Variants in IMMP2L observed in about 807,000 individuals in gnomAD.
IMMP2L encodes the protein mitochondrial inner membrane protease subunit 2.
In IMMP2L, 18 loss-of-function variants were observed where a neutral mutation model predicts 19.3. That is an observed-to-expected ratio of 0.93 (90% CI 0.64 to 1.38). The LOEUF is 1.38. IMMP2L is among the 40% of genes most tolerant of loss of function. The pLI is 0.00. For missense variants in IMMP2L, 233 were observed against 218.2 expected (o/e 1.07, Z -0.43); for synonymous variants, 76 against 73.0 (o/e 1.04, Z -0.21).
chr7:111,167,966 GT>G (rs1806017598), intron 3 of IMMP2L, among the ~76,000 whole-genome samples: 1 of 151,798 alleles, frequency 6.6e-6, no homozygotes. Flanking sequence ...CCTAGGTGTT[GT>G]TTTGTTGTTG....
At chr7:111,410,197 T>G (rs1323313400) in intron 3 of IMMP2L, among the ~76,000 whole-genome samples, 1 of 151,688 alleles carries the variant, frequency 6.6e-6, no homozygotes, top group Non-Finnish European at 1.5e-5. Context: ...TGAAGAGCCC[T>G]TGTTGTTGAA....
chr7:111,000,784 C>T (rs12672824), intron 3 of IMMP2L, among the ~76,000 whole-genome samples: 68,520 of 151,082 alleles, frequency 0.45, 17,227 homozygotes, highest in Non-Finnish European at 0.58. Context: ...GTGGAGTTTG[C>T]AGTGAGCTGA....
chr7:111,504,202 G>A (rs1844629514), intron 2 of IMMP2L, among the ~76,000 whole-genome samples: 1 of 152,076 alleles, frequency 6.6e-6, no homozygotes, highest in South Asian at 2.1e-4. Flanking sequence ...GCCAAATCAT[G>A]AGTGAACTAC....
rs142681613 is a variant in IMMP2L at position 110,990,709 on chromosome 7, G to A, written c.240-27144C>T. ...CCTAACCAGGCTCCCTAATGCCAGT[G>A]CCAATCTACTTTAAGTTAACTTACA... is the stretch of plus-strand genomic sequence containing the variant. On this transcript the variant is annotated intron_variant, in intron 3 of 5. Coordinates refer to ENST00000405709, the MANE Select transcript of IMMP2L (RefSeq NM_032549.4). 2.7e-3 allele frequency among the ~76,000 whole-genome samples: 406 copies of A among 152,212 alleles called. 1 individual carries two copies. The highest frequency in any genetic ancestry group is 9.3e-3 in the African/African-American group (387 of 41,536).
Position 111,436,539 on chromosome 7 carries a change from A to ACACC in IMMP2L, c.239+50698_239+50699insGGTG, listed in dbSNP as rs1316097606. On this transcript the variant is annotated intron_variant, in intron 3 of 5. Transcript: ENST00000405709. ...CACACACATACACACACACACACAC[A>ACACC]CCCCACACATATATGAATACTTTTT... Among the ~76,000 whole-genome samples the ACACC allele has an allele frequency of 4.0e-4, 61 of 151,466 alleles. 1 individual carries two copies. The highest frequency in any genetic ancestry group is 1.4e-3 in the African/African-American group (59 of 41,074).
At chr7:111,355,756 AT>A (rs138432746) in intron 3 of IMMP2L, among the ~76,000 whole-genome samples, 2,021 of 151,994 alleles carry the variant, frequency 0.013, 47 homozygotes, top group African/African-American at 0.046. Flanking sequence ...ATTTGAAGCT[AT>A]TTTTTTAACT....
At position 111,513,419 on chromosome 7, in the gene IMMP2L, A is replaced by C. The variant is rs145426856; in HGVS notation, c.135+7894T>G. Among the ~76,000 whole-genome samples the C allele has an allele frequency of 4.7e-3, 721 of 152,290 alleles. 5 individuals are homozygous for C. The highest frequency in any genetic ancestry group is 0.017 in the African/African-American group (687 of 41,566). On this transcript the variant is annotated intron_variant, in intron 2 of 5. Transcript: ENST00000405709. Reference sequence around the variant, plus strand: ...TAAATGTGCAATGAGATGTCACCTCATACCTGTTAGGAAGGCTATTATCAG... The same window carrying C: ...TAAATGTGCAATGAGATGTCACCTCCTACCTGTTAGGAAGGCTATTATCAG...
intron 4 of IMMP2L, among the ~76,000 whole-genome samples, chr7:110,946,012 T>C (rs1481550698): frequency 1.3e-5 from 2 of 152,142 alleles, no homozygotes. Context: ...TATACCTGAT[T>C]AAACCAAAAT....
At chr7:111,040,753 T>C (rs941685910) in intron 3 of IMMP2L, among the ~76,000 whole-genome samples, 1 of 149,154 alleles carries the variant, frequency 6.7e-6, no homozygotes, top group Non-Finnish European at 1.5e-5. Flanking sequence ...TTATAAACCT[T>C]ATAAAACCTT....
At chr7:110,745,799 A>T (rs1224037547) in intron 5 of IMMP2L, among the ~76,000 whole-genome samples, 1 of 152,170 alleles carries the variant, frequency 6.6e-6, no homozygotes, top group South Asian at 2.1e-4. Flanking sequence ...GCAAAAACAT[A>T]TCAAATTGTA....
chr7:111,397,868 A>G (rs1380880643), intron 3 of IMMP2L, among the ~76,000 whole-genome samples: 2 of 152,024 alleles, frequency 1.3e-5, no homozygotes, highest in Non-Finnish European at 2.9e-5. Context: ...TTCATTTTGC[A>G]TAATCAAATT....
At chr7:111,551,766 A>C (rs1000856733) in intron 1 of IMMP2L, among the ~76,000 whole-genome samples, 3 of 152,114 alleles carry the variant, frequency 2.0e-5, no homozygotes. Flanking sequence ...GAGTTCTGCC[A>C]GCAGTCCAGC....
chr7:111,215,080 C>T (rs1168210100), intron 3 of IMMP2L, among the ~76,000 whole-genome samples: 1 of 152,124 alleles, frequency 6.6e-6, no homozygotes, highest in African/African-American at 2.4e-5. Flanking sequence ...TACCAGTTTG[C>T]CATAGTACCC....
chr7:110,753,391 G>A (rs919479872), intron 5 of IMMP2L, among the ~76,000 whole-genome samples: 1 of 151,970 alleles, frequency 6.6e-6, no homozygotes, highest in Non-Finnish European at 1.5e-5. Context: ...AAGAAGTGGA[G>A]ACCAGGTTTA....
In IMMP2L at chr7:111,043,251, T is replaced by C. The variant is rs577239111; in HGVS notation, c.240-79686A>G. Among the ~76,000 whole-genome samples the C allele has an allele frequency of 2.6e-5, 4 of 152,288 alleles. No individual in the cohort carries two copies. In the East Asian group the frequency reaches 7.7e-4, roughly 29 times the overall value. ...AAAGGTGTCTCTTGAATTAAGCACA[T>C]CCTATGATTTGATTTAAGTGGCAAA... On this transcript the variant is annotated intron_variant, in intron 3 of 5. Transcript: ENST00000405709.
intron 3 of IMMP2L, among the ~76,000 whole-genome samples, chr7:111,311,730 G>C (rs1823542458): frequency 6.6e-6 from 1 of 152,054 alleles, no homozygotes; most frequent in Non-Finnish European, 1.5e-5. Flanking sequence ...CATCAATTAT[G>C]TTTCTGTACC....
chr7:111,517,550 C>T (rs992253413), intron 2 of IMMP2L, among the ~76,000 whole-genome samples: 4 of 151,810 alleles, frequency 2.6e-5, no homozygotes, highest in Non-Finnish European at 5.9e-5. Flanking sequence ...TTTATCAGGA[C>T]CAGTGACCCC....
intron 4 of IMMP2L, among the ~76,000 whole-genome samples, chr7:110,899,488 T>G (rs994218677): frequency 6.6e-6 from 1 of 152,204 alleles, no homozygotes; most frequent in African/African-American, 2.4e-5. Flanking sequence ...CTATAGATTA[T>G]TCTTCATTAA....
intron 5 of IMMP2L, among the ~76,000 whole-genome samples, chr7:110,875,010 T>A (rs1257215748): frequency 6.6e-6 from 1 of 152,044 alleles, no homozygotes; most frequent in Non-Finnish European, 1.5e-5. Flanking sequence ...GAGGGTGGAA[T>A]CCTCATGGCC....
Sources: gnomAD v4.1 joint callset for allele counts (sites outside exome capture counted in the v4.1 genomes callset) on GRCh38, gnomAD v4.1.1 for gene constraint, MANE v1.5 for transcripts, NCBI Gene and HGNC (gene_info 2026-07-23, HGNC 2026-07-21) for gene names.